PDE6C: variants seen among roughly 807,000 people sequenced by gnomAD.
The protein encoded by PDE6C is phosphodiesterase 6C.
PDE6C carries 75 observed loss-of-function variants against 113.1 expected under a neutral mutation model. The ratio of observed to expected loss-of-function variants is 0.66; its 90% CI spans 0.55 to 0.80. The LOEUF (loss-of-function observed/expected upper bound fraction) is 0.80, where lower values mean the gene tolerates loss of function less well. Ranked by LOEUF, PDE6C falls within the 30% of genes least tolerant of loss-of-function variation. PDE6C has a pLI of 0.00. For missense variants in PDE6C, 912 were observed against 1,038.6 expected, an observed-to-expected ratio of 0.88 and a Z score of 1.67; for synonymous variants, 375 against 363.7, an observed-to-expected ratio of 1.03 and a Z score of -0.35.
intron 19 of PDE6C, 64 bp from the exon 20 acceptor site, chr10:93,662,496 A>AAATC (rs1426867160): frequency 2.5e-6 from 2 of 796,106 alleles, no homozygotes; most frequent in Non-Finnish European, 4.4e-6. Context: ...TTATCAGGAC[A>AAATC]AATCAGTCTG....
intron 16 of PDE6C, among the ~76,000 whole-genome samples, chr10:93,658,174 AAAAAAAAAAAAAAAAAAAG>A (rs1398823272): frequency 1.2e-4 from 14 of 114,952 alleles, no homozygotes; most frequent in Non-Finnish European, 2.6e-4. Context: ...TGTCTCAAAA[AAAAAAAAAAAAAAAAAAAG>A]AAAAAGAAAA....
rs933134146 is a variant in PDE6C at position 93,637,076 on chromosome 10, T to C, written c.1482+13T>C. On this transcript the variant is annotated intron_variant, in intron 11 of 21. Transcript: ENST00000371447. ...TGTTGCAATTTTGGTAAGTGTTTTC[T>C]TTCTAACCTTAATGCCTGTTAAATA... The C allele has an allele frequency of 6.9e-7, 1 of 1,455,940 alleles. No individual in the cohort carries two copies. The highest frequency in any genetic ancestry group is 2.3e-5 in the East Asian group (1 of 44,084). The allele number at this position is 1,455,940 out of a possible 1,614,324, so 90.2% of individuals were successfully genotyped here.
intron 16 of PDE6C, among the ~76,000 whole-genome samples, chr10:93,658,169 CA>C (rs71031527): frequency 0.021 from 1,284 of 59,788 alleles, 8 homozygotes; most frequent in African/African-American, 0.058. Flanking sequence ...GATTCTGTCT[CA>C]AAAAAAAAAA....
chr10:93,620,483 A>G, intron 1 of PDE6C, 149 bp from the exon 2 acceptor site: 1 of 769,496 alleles, frequency 1.3e-6, no homozygotes, highest in Admixed American at 2.0e-5. Context: ...TGGCAGGTGG[A>G]GTGGGATTGT....
intron 21 of PDE6C, among the ~76,000 whole-genome samples, chr10:93,663,689 A>G (rs2058677083): frequency 1.6e-5 from 2 of 125,130 alleles, no homozygotes; most frequent in African/African-American, 5.6e-5. Context: ...CAAATGTCTC[A>G]TTGGGAGATG....
chr10:93,634,652 G>A lies in PDE6C; in HGVS notation c.1120-106G>A, dbSNP rs2058519144. ...ACCATTGTGTGAAACTGGGTGAAGG[G>A]TACCTGAAATCTCTCTGTACATTTC... On this transcript the variant is annotated intron_variant, in intron 8 of 21. Transcript: ENST00000371447. The A allele has an allele frequency of 6.0e-6, 7 of 1,158,118 alleles. No homozygotes were observed. The Admixed American group carries it at 1.4e-4, about 23-fold the overall frequency. 71.7% of individuals were successfully genotyped at this position (1,158,118 alleles called of 1,614,324 possible). A position where few individuals can be genotyped will look rare whatever the true frequency, so the allele number is the denominator to read the frequency against.
chr10:93,636,069 A>G (rs1434675401), intron 10 of PDE6C, among the ~76,000 whole-genome samples: 3 of 152,132 alleles, frequency 2.0e-5, no homozygotes, highest in Non-Finnish European at 2.9e-5. Flanking sequence ...CAAGCTATGA[A>G]TTTGGTTTGC....
chr10:93,630,621 T>C (rs147479663), intron 8 of PDE6C, among the ~76,000 whole-genome samples: 98 of 152,128 alleles, frequency 6.4e-4, no homozygotes, highest in African/African-American at 2.1e-3. Flanking sequence ...CAGTCACAAA[T>C]AGAGACTGCC....
In PDE6C at chr10:93,620,953, G is replaced by A. The variant is rs887059289; in HGVS notation, c.696G>A (p.Met232Ile). 6.2e-7 allele frequency: 1 copy of A among 1,613,926 alleles called. No individual in the cohort carries two copies. Among genetic ancestry groups the A allele is most frequent in the Non-Finnish European group, 8.5e-7 (1 of 1,179,888 alleles). ...TAAGGCTTCATCACACCAGCTACATGTACAATATTGAATCCCGAAGAAGCC... is the reference window on the plus strand; with the variant it reads ...TAAGGCTTCATCACACCAGCTACATATACAATATTGAATCCCGAAGAAGCC... Reference protein sequence around the residue: ...IILRLHHTSYMYNIESRRSQI... With the variant: ...IILRLHHTSYIYNIESRRSQI... Residue 232 changes from methionine to isoleucine, a missense_variant, in exon 3 of 22, where the codon ATG (methionine) becomes ATA (isoleucine). By Grantham distance (10) the Met-to-Ile change is conservative (BLOSUM62 1). Coordinates refer to ENST00000371447, the MANE Select transcript of PDE6C (RefSeq NM_006204.4).
At chr10:93,660,476 T>A (rs1174494332) in intron 18 of PDE6C, among the ~76,000 whole-genome samples, 1 of 152,124 alleles carries the variant, frequency 6.6e-6, no homozygotes, top group African/African-American at 2.4e-5. Flanking sequence ...GGAGGGCACC[T>A]CTTGAATGAA....
intron 19 of PDE6C, 94 bp from the exon 20 acceptor site, chr10:93,662,460 CAAAAAA>C (rs11364728): frequency 1.4e-3 from 460 of 320,282 alleles, no homozygotes; most frequent in East Asian, 9.3e-3. Context: ...GACTCTGCCT[CAAAAAA>C]AAAAAAAAAA....
intron 15 of PDE6C, among the ~76,000 whole-genome samples, chr10:93,654,293 G>A (rs548721553): frequency 2.4e-4 from 37 of 152,318 alleles, no homozygotes; most frequent in African/African-American, 7.9e-4. Flanking sequence ...GCCAGGAAAT[G>A]AACCTGGGTT....
rs562876471 is a variant in PDE6C at position 93,626,031 on chromosome 10, A to C, written c.939+382A>C. Among the ~76,000 whole-genome samples, 98 of 152,284 alleles carry C rather than the reference A, an allele frequency of 6.4e-4. 1 individual carries two copies. Among genetic ancestry groups the C allele is most frequent in the South Asian group, 5.6e-3 (27 of 4,822 alleles). ...ACTTTCCCCCTTGACTGCAAGCTTCATGAAGGCAGAAACCCCTGTGTCCAT... is the reference window on the plus strand; with the variant it reads ...ACTTTCCCCCTTGACTGCAAGCTTCCTGAAGGCAGAAACCCCTGTGTCCAT... On this transcript the variant is annotated intron_variant, in intron 5 of 21. Coordinates refer to ENST00000371447, the MANE Select transcript of PDE6C (RefSeq NM_006204.4).
intron 7 of PDE6C, 81 bp downstream of exon 7, chr10:93,626,952 G>T: frequency 8.0e-7 from 1 of 1,248,318 alleles, no homozygotes; most frequent in East Asian, 2.4e-5. Flanking sequence ...AATTGTGAAA[G>T]CAAGAATGCA....
At chr10:93,639,266 T>A (rs981861303) in intron 11 of PDE6C, among the ~76,000 whole-genome samples, 3 of 152,220 alleles carry the variant, frequency 2.0e-5, no homozygotes, top group African/African-American at 7.2e-5. Context: ...TCCCTCGGCA[T>A]GGAGCACTGG....
intron 18 of PDE6C, among the ~76,000 whole-genome samples, chr10:93,660,941 C>T (rs1186110248): frequency 1.3e-5 from 2 of 152,170 alleles, no homozygotes. Flanking sequence ...AGCCATTCTA[C>T]TCCTTAAAAG....
intron 6 of PDE6C, 50 bp from the exon 7 acceptor site, chr10:93,626,755 A>G (rs750255017): frequency 3.7e-6 from 6 of 1,602,128 alleles, no homozygotes; most frequent in South Asian, 1.1e-5. Context: ...ATTTTTGCAC[A>G]TATTGCATTT....
chr10:93,617,303 G>A (rs899657443), intron 1 of PDE6C, among the ~76,000 whole-genome samples: 18 of 152,116 alleles, frequency 1.2e-4, no homozygotes, highest in African/African-American at 4.3e-4. Context: ...TCCCCATCCT[G>A]TAACTTAATG....
chr10:93,623,938 G>A (rs2058460309), intron 4 of PDE6C, among the ~76,000 whole-genome samples: 1 of 151,858 alleles, frequency 6.6e-6, no homozygotes, highest in Non-Finnish European at 1.5e-5. Flanking sequence ...CCTGATTCTT[G>A]GCTTCTTCAT....
Sources: allele counts gnomAD v4.1 joint callset (sites outside exome capture counted in the v4.1 genomes callset), GRCh38; gene constraint gnomAD v4.1.1; transcripts MANE v1.5; gene names NCBI Gene and HGNC (gene_info 2026-07-23, HGNC 2026-07-21).